UGT2B11: variants seen among roughly 807,000 people sequenced by gnomAD.
UGT2B11 encodes UDP glucuronosyltransferase family 2 member B11.
A neutral mutation model predicts 51.7 loss-of-function variants in UGT2B11; 49 were observed. The observed-to-expected ratio is 0.95, with a 90% CI of 0.75 to 1.20. The LOEUF (loss-of-function observed/expected upper bound fraction) is 1.20. UGT2B11 is among the 50% of genes most tolerant of loss of function. The pLI is 0.00. For missense variants in UGT2B11, 810 were observed against 622.1 expected (o/e 1.30, Z -3.21); for synonymous variants, 273 against 209.0 (o/e 1.31, Z -2.64).
upstream of UGT2B11, among the ~76,000 whole-genome samples, chr4:69,217,222 T>C (rs868849539): frequency 1.3e-5 from 2 of 152,166 alleles, no homozygotes; most frequent in South Asian, 4.1e-4. Flanking sequence ...GATTGTCTTG[T>C]AATTCAGGTA....
At chr4:69,209,175 T>TA (rs1159015411) in intron 2 of UGT2B11, among the ~76,000 whole-genome samples, 1 of 151,762 alleles carries the variant, frequency 6.6e-6, no homozygotes, top group Non-Finnish European at 1.5e-5. Context: ...GAGTCTCATT[T>TA]ATCATATGGA....
chr4:69,214,257 A>C lies in UGT2B11; in HGVS notation c.466T>G (p.Cys156Gly), dbSNP rs7697037. The change falls in exon 1 of 6, where the codon TGT becomes GGT. Residue 156 changes from cysteine (C) to glycine (G), a missense_variant. Transcript: ENST00000446444. The part of the protein sequence containing the change: ...DIVFADAVFP[C>G]GELLAALLNI... ...AGTAGCGCAGCCAGCAGCTCACCAC[A>C]GGGAAAAACAGCATCTGCAAAAACG... is the stretch of plus-strand genomic sequence containing the variant. The C allele has an allele frequency of 6.2e-7, 1 of 1,613,086 alleles. No individual in the cohort carries two copies. The highest frequency in any genetic ancestry group is 1.1e-5 in the South Asian group (1 of 91,056).
At chr4:69,207,099 T>G (rs1030140698) in intron 3 of UGT2B11, among the ~76,000 whole-genome samples, 28 of 151,566 alleles carry the variant, frequency 1.8e-4, no homozygotes, top group African/African-American at 5.8e-4. Context: ...TGAGGAACCT[T>G]TTGGTATCAT....
At chr4:69,220,276 G>A in the UGT2B11 span, among the ~76,000 whole-genome samples, 1 of 151,948 alleles carries the variant, frequency 6.6e-6, no homozygotes. Context: ...CTTTAGTTTT[G>A]CAGGGTACAG....
At position 69,204,529 on chromosome 4, in the gene UGT2B11, G is replaced by T; in HGVS notation, c.1211C>A (p.Ala404Asp). The T allele has an allele frequency of 6.2e-7, 1 of 1,612,338 alleles. No individual in the cohort carries two copies. Among genetic ancestry groups the T allele is most frequent in the Non-Finnish European group, 8.5e-7 (1 of 1,178,914 alleles). ...PLFFDQPDNI[A>D]HMKAKGAAVR... Reference sequence around the variant, plus strand: ...AGCTGCTCCCTTGGCCTTCATGTGAGCAATGTTATCAGGTTGATCAAAAAA... The same window carrying T: ...AGCTGCTCCCTTGGCCTTCATGTGATCAATGTTATCAGGTTGATCAAAAAA... Residue 404 changes from alanine to aspartate, a missense_variant, in exon 5 of 6, where the codon GCT becomes GAT. Coordinates refer to ENST00000446444, the MANE Select transcript of UGT2B11 (RefSeq NM_001073.3).
At chr4:69,220,433 G>C in the UGT2B11 span, among the ~76,000 whole-genome samples, 1 of 152,028 alleles carries the variant, frequency 6.6e-6, no homozygotes, top group African/African-American at 2.4e-5. Context: ...TGCTCTGGTG[G>C]TGACTCTCTG....
At chr4:69,212,941 C>T (rs1008458862) in intron 1 of UGT2B11, among the ~76,000 whole-genome samples, 6 of 150,974 alleles carry the variant, frequency 4.0e-5, no homozygotes, top group African/African-American at 9.7e-5. Flanking sequence ...TGAGGTTAAG[C>T]GACATCTCTA....
chr4:69,204,343 C>T (rs1577960126), intron 5 of UGT2B11, 87 bp downstream of exon 5: 1 of 1,554,106 alleles, frequency 6.4e-7, no homozygotes, highest in Non-Finnish European at 8.7e-7. Context: ...AGATTACTCT[C>T]TTATAAAAAG....
At chr4:69,219,222 C>T (rs1466085458), upstream of UGT2B11, among the ~76,000 whole-genome samples, 1 of 151,990 alleles carries the variant, frequency 6.6e-6, no homozygotes, top group Non-Finnish European at 1.5e-5. Flanking sequence ...TCATCTTGAG[C>T]ACATTCCTGT....
intron 5 of UGT2B11, among the ~76,000 whole-genome samples, chr4:69,203,702 A>G (rs1003585502): frequency 2.0e-5 from 3 of 151,890 alleles, no homozygotes; most frequent in East Asian, 2.0e-4. Flanking sequence ...AATAAAAACC[A>G]TAAGAAAACA....
chr4:69,208,300 T>C lies in UGT2B11; in HGVS notation c.1002+51A>G, dbSNP rs187886681. 7 of 1,604,186 alleles carry C rather than the reference T, an allele frequency of 4.4e-6. No homozygotes were observed. In the South Asian group the frequency reaches 7.8e-5, roughly 18 times the overall value. On this transcript the variant is annotated intron_variant, in intron 3 of 5. Transcript: ENST00000446444. Reference sequence around the variant, plus strand: ...ATTCTTTCTATGTAGATCACAAACATTAACAGCCTCTTTCAGCAGTTTTCC... The same window carrying C: ...ATTCTTTCTATGTAGATCACAAACACTAACAGCCTCTTTCAGCAGTTTTCC...
chr4:69,214,998 T>C (rs1722221940), upstream of UGT2B11: 2 of 382,892 alleles, frequency 5.2e-6, no homozygotes, highest in Non-Finnish European at 9.1e-6. Flanking sequence ...TACTTTATAA[T>C]AGTGTCAAGA....
chr4:69,209,295 A>G (rs558254385), intron 2 of UGT2B11, among the ~76,000 whole-genome samples: 1 of 151,792 alleles, frequency 6.6e-6, no homozygotes, highest in South Asian at 2.1e-4. Context: ...GCTATTTCTA[A>G]CTGCATGTGA....
chr4:69,207,450 A>G (rs565853394), intron 3 of UGT2B11, among the ~76,000 whole-genome samples: 2 of 151,784 alleles, frequency 1.3e-5, no homozygotes, highest in East Asian at 2.0e-4. Context: ...TTTACTCTAT[A>G]CAGAAGAAAA....
chr4:69,207,802 G>A (rs1721913524), intron 3 of UGT2B11, among the ~76,000 whole-genome samples: 1 of 151,640 alleles, frequency 6.6e-6, no homozygotes, highest in African/African-American at 2.4e-5. Flanking sequence ...AGTACGGTAA[G>A]TAATAGAGGT....
intron 3 of UGT2B11, among the ~76,000 whole-genome samples, chr4:69,207,512 T>A (rs1721904080): frequency 2.0e-5 from 3 of 151,720 alleles, no homozygotes; most frequent in Non-Finnish European, 3.0e-5. Context: ...TTCCCCTGCC[T>A]CTCTTCCTTC....
chr4:69,212,428 A>C, intron 2 of UGT2B11, 145 bp downstream of exon 2: 2 of 1,383,932 alleles, frequency 1.4e-6, no homozygotes, highest in Admixed American at 2.5e-5. Flanking sequence ...TAACATATAC[A>C]TGAGTTTCTA....
intron 1 of UGT2B11, among the ~76,000 whole-genome samples, 195 bp downstream of exon 1, chr4:69,213,807 C>A (rs185525174): frequency 2.0e-5 from 3 of 151,798 alleles, no homozygotes; most frequent in Admixed American, 6.6e-5. Flanking sequence ...TGAGTGATGG[C>A]CACAGGGTTT....
the UGT2B11 span, among the ~76,000 whole-genome samples, chr4:69,223,553 C>T: frequency 6.6e-6 from 1 of 152,174 alleles, no homozygotes; most frequent in Non-Finnish European, 1.5e-5. Flanking sequence ...CTACCTGTTC[C>T]AGGGTGGCAA....
Sources: allele counts gnomAD v4.1 joint callset (sites outside exome capture counted in the v4.1 genomes callset), GRCh38; gene constraint gnomAD v4.1.1; transcripts MANE v1.5; gene names NCBI Gene and HGNC (gene_info 2026-07-23, HGNC 2026-07-21).